The following CDKN2C variants were observed in gnomAD, a reference collection of about 807,000 sequenced individuals.
CDKN2C encodes cyclin dependent kinase inhibitor 2C, also known as cyclin-dependent kinase 4 inhibitor C.
In CDKN2C, 5 loss-of-function variants were observed where a neutral mutation model predicts 11.0. The observed-to-expected ratio is 0.45, with a 90% CI of 0.24 to 0.95. The LOEUF is 0.95. Ranked by LOEUF, CDKN2C falls within the 40% of genes least tolerant of loss-of-function variation. The probability of loss-of-function intolerance (pLI) is 0.21; values close to 1 mark genes in which losing one functional copy is unlikely to be tolerated. For synonymous variants in CDKN2C, 79 were observed against 88.3 expected, an observed-to-expected ratio of 0.89 and a Z score of 0.59; for missense variants, 161 against 211.9, an observed-to-expected ratio of 0.76 and a Z score of 1.49.
At chr1:50,968,331 A>G (rs1313019002), upstream of CDKN2C, 6 of 152,466 alleles carry the variant, frequency 3.9e-5, no homozygotes, top group African/African-American at 1.2e-4. Context: ...GCCTTCCCGC[A>G]GCGTACGCTG....
chr1:50,968,756 G>C (rs1645362522), upstream of CDKN2C: 1 of 152,212 alleles, frequency 6.6e-6, no homozygotes, highest in Admixed American at 6.5e-5. Context: ...AACTCAAAAA[G>C]CGCTCAATTT....
Position 50,970,283 on chromosome 1 carries a change from C to T in CDKN2C, c.-86C>T. 6.5e-7 allele frequency: 1 copy of T among 1,533,052 alleles called. No homozygotes were observed. The highest frequency in any genetic ancestry group is 8.9e-7 in the Non-Finnish European group (1 of 1,119,008). 95.0% of individuals were successfully genotyped at this position (1,533,052 alleles called of 1,614,324 possible). The stretch of plus-strand genomic sequence containing the variant: ...CAGTCCTTCTGTCAGTCTCCGATGC[C>T]ATCATGCAGCCTGGTTAGGAGCAAA... On this transcript the variant is annotated 5_prime_UTR_variant, in exon 1 of 2. Coordinates refer to ENST00000371761, the MANE Select transcript of CDKN2C (RefSeq NM_078626.3).
chr1:50,973,841 T>A, intron 1 of CDKN2C, 52 bp from the exon 2 acceptor site: 5 of 1,593,194 alleles, frequency 3.1e-6, no homozygotes, highest in Non-Finnish European at 4.3e-6. Context: ...TTTTAAAATA[T>A]CTCTGTAGCA....
chr1:50,974,059 A>C lies in CDKN2C; in HGVS notation c.296A>C (p.Glu99Ala). The C allele has an allele frequency of 6.2e-7, 1 of 1,614,204 alleles. No individual in the cohort carries two copies. Among genetic ancestry groups the C allele is most frequent in the Non-Finnish European group, 8.5e-7 (1 of 1,180,042 alleles). Reference protein sequence around the residue: ...LLEFQADVNIEDNEGNLPLHL... With the variant: ...LLEFQADVNIADNEGNLPLHL... ...GAGTTTCAAGCTGATGTTAACATCGAGGATAATGAAGGGAACCTGCCCTTG... is the reference window on the plus strand; with the variant it reads ...GAGTTTCAAGCTGATGTTAACATCGCGGATAATGAAGGGAACCTGCCCTTG... Residue 99 changes from glutamate to alanine, a missense_variant, in exon 2 of 2, where the codon GAG becomes GCG. Glu to Ala is a moderately radical substitution (Grantham distance 107, BLOSUM62 -1). Coordinates refer to ENST00000371761, the MANE Select transcript of CDKN2C (RefSeq NM_078626.3).
At chr1:50,971,214 T>C (rs1645378057) in intron 1 of CDKN2C, among the ~76,000 whole-genome samples, 3 of 152,252 alleles carry the variant, frequency 2.0e-5, no homozygotes, top group Admixed American at 2.0e-4. Flanking sequence ...TTGTACCTGA[T>C]AATTTTTTTC....
At chr1:50,970,588 C>T in intron 1 of CDKN2C, 91 bp downstream of exon 1, 1 of 1,441,516 alleles carries the variant, frequency 6.9e-7, no homozygotes, top group Non-Finnish European at 9.8e-7. Flanking sequence ...CTTTCAGGGA[C>T]ATAAAATTTC....
Position 50,970,532 on chromosome 1 carries a change from T to C in CDKN2C, c.129+35T>C, listed in dbSNP as rs757778354. 4.3e-6 allele frequency: 7 copies of C among 1,611,904 alleles called. 1 individual carries two copies. The highest frequency in any genetic ancestry group is 1.6e-4 in the Middle Eastern group (1 of 6,082). On this transcript the variant is annotated intron_variant, in intron 1 of 1. Coordinates refer to ENST00000371761, the MANE Select transcript of CDKN2C (RefSeq NM_078626.3). ...AAGAGAGGTGGGGAAAACAAGTCAA[T>C]AATGTTGCCTACGTGACCCGGGTTT...
chr1:50,961,267 T>C (rs891054341), intron 1 of CDKN2C, among the ~76,000 whole-genome samples: 2 of 152,184 alleles, frequency 1.3e-5, no homozygotes, highest in African/African-American at 2.4e-5. Context: ...CTCGAACTCC[T>C]GTCCTCGTGA....
chr1:50,965,543 C>T (rs1367461531), upstream of CDKN2C, among the ~76,000 whole-genome samples: 3 of 151,622 alleles, frequency 2.0e-5, no homozygotes, highest in African/African-American at 7.3e-5. Context: ...GACCCCATCT[C>T]CACAAAATTA....
At chr1:50,961,088 T>G (rs1645318674) in intron 1 of CDKN2C, among the ~76,000 whole-genome samples, 1 of 152,098 alleles carries the variant, frequency 6.6e-6, no homozygotes, top group Admixed American at 6.5e-5. Context: ...CGGGCTGGAG[T>G]GCAGTGGCGC....
intron 1 of CDKN2C, among the ~76,000 whole-genome samples, chr1:50,972,644 C>T (rs1444081920): frequency 6.6e-6 from 1 of 151,946 alleles, no homozygotes; most frequent in African/African-American, 2.4e-5. Flanking sequence ...AATATTTTTT[C>T]ACAACTAAAT....
Position 50,970,361 on chromosome 1 carries a change from C to T in CDKN2C, c.-8C>T. 1.2e-6 allele frequency: 2 copies of T among 1,613,936 alleles called. No individual in the cohort carries two copies. Among genetic ancestry groups the T allele is most frequent in the Non-Finnish European group, 8.5e-7 (1 of 1,180,008 alleles). ...TTCATCTTTTCCTGATCGTCAGGAC[C>T]CTAAAGAATGGCCGAGCCTTGGGGG... On this transcript the variant is annotated 5_prime_UTR_variant, in exon 1 of 2. Transcript: ENST00000371761.
chr1:50,969,743 C>G (rs555778434), upstream of CDKN2C: 117 of 176,898 alleles, frequency 6.6e-4, no homozygotes, highest in Non-Finnish European at 1.1e-3. The surrounding 1 kb of genome is among the most constrained non-coding windows in gnomAD (Gnocchi z 6.6). Flanking sequence ...ATCTTTTAAC[C>G]CTCCGGAGCA....
At chr1:50,973,405 T>C (rs3176469) in intron 1 of CDKN2C, among the ~76,000 whole-genome samples, 1,697 of 152,340 alleles carry the variant, frequency 0.011, 36 homozygotes, top group African/African-American at 0.039. Context: ...TCAACATCCT[T>C]ATTTGTTTGC....
At chr1:50,966,551 G>A (rs1645347954), upstream of CDKN2C, among the ~76,000 whole-genome samples, 1 of 151,886 alleles carries the variant, frequency 6.6e-6, no homozygotes, top group Non-Finnish European at 1.5e-5. Flanking sequence ...GCTTATTGAG[G>A]GTAGAGATAC....
intron 1 of CDKN2C, among the ~76,000 whole-genome samples, chr1:50,961,010 C>T (rs1376577806): frequency 8.7e-6 from 1 of 114,350 alleles, no homozygotes; most frequent in African/African-American, 3.5e-5. Flanking sequence ...TATAGTCAGT[C>T]TATTTTTATT....
chr1:50,971,584 A>G (rs1001143288), intron 1 of CDKN2C, among the ~76,000 whole-genome samples: 3 of 152,198 alleles, frequency 2.0e-5, no homozygotes, highest in Non-Finnish European at 4.4e-5. Flanking sequence ...TACATTAAGT[A>G]ATGATTTTTT....
rs1042794280 is a variant in CDKN2C, at chr1:50,973,798, A to G, written c.130-95A>G. On this transcript the variant is annotated intron_variant, in intron 1 of 1. Transcript: ENST00000371761. ...CTTCCGCAAGAACTCCATCAAAAAT[A>G]AATAGTTACATAAATGGAAGGACAG... 5 of 1,458,756 alleles carry G rather than the reference A, an allele frequency of 3.4e-6. No individual in the cohort carries two copies. In the African/African-American group the frequency reaches 7.0e-5, roughly 20 times the overall value. 90.4% of individuals were successfully genotyped at this position (1,458,756 alleles called of 1,614,324 possible).
At chr1:50,967,633 T>C (rs1233653859), upstream of CDKN2C, among the ~76,000 whole-genome samples, 1 of 152,248 alleles carries the variant, frequency 6.6e-6, no homozygotes. Flanking sequence ...GGGTGCATCA[T>C]GCAACCGTGT....
Sources: gnomAD v4.1 joint callset for allele counts (sites outside exome capture counted in the v4.1 genomes callset) on GRCh38, gnomAD v4.1.1 for gene constraint, Gnocchi (gnomAD v3.1) non-coding constraint, MANE v1.5 for transcripts, NCBI Gene and HGNC (gene_info 2026-07-23, HGNC 2026-07-21) for gene names.